The following SLC4A8 variants were observed in gnomAD, a reference collection of about 807,000 sequenced individuals.
SLC4A8 encodes the protein electroneutral sodium bicarbonate exchanger 1.
Under a neutral mutation model 125.0 loss-of-function variants are expected in SLC4A8, and 40 were observed. The ratio of observed to expected loss-of-function variants is 0.32; its 90% CI spans 0.25 to 0.42. SLC4A8 has a LOEUF of 0.42. Among genes scored for constraint, SLC4A8 ranks in the 10% least tolerant of loss-of-function variants. SLC4A8 has a pLI of 1.00. For synonymous variants in SLC4A8, 456 were observed against 476.0 expected (o/e 0.96, Z 0.55); for missense variants, 863 against 1,355.1 (o/e 0.64, Z 5.70).
chr12:51,494,753 A>G, intron 20 of SLC4A8, 192 bp from the exon 21 acceptor site: 1 of 471,100 alleles, frequency 2.1e-6, no homozygotes, highest in Non-Finnish European at 3.8e-6. Flanking sequence ...GATGGATTCA[A>G]ATTTTGACTT....
chr12:51,495,064 C>G lies in SLC4A8; in HGVS notation c.2889C>G (p.Leu963=), dbSNP rs141954048. The change falls in exon 21 of 25, where the codon CTC becomes CTG. Residue 963 remains leucine, a synonymous_variant. Transcript: ENST00000453097. The stretch of plus-strand genomic sequence containing the variant: ...TCACCCTCATCCAGTTGACCTGTCT[C>G]GTCCTGCTCTGGGTCATCAAGGCAT... ...HLFTLIQLTC[L]VLLWVIKASP... is the part of the protein sequence containing the mutation. The G allele has an allele frequency of 9.5e-5, 154 of 1,614,106 alleles. 1 individual carries two copies. In the South Asian group the frequency reaches 1.5e-3, roughly 16 times the overall value.
intron 16 of SLC4A8, among the ~76,000 whole-genome samples, chr12:51,483,889 T>G: frequency 6.6e-6 from 1 of 151,982 alleles, no homozygotes. Context: ...CCCTCCCTGC[T>G]CCCCCCACCC....
chr12:51,441,006 A>G (rs2138128786), intron 2 of SLC4A8: 1 of 1,110,500 alleles, frequency 9.0e-7, no homozygotes, highest in Non-Finnish European at 1.2e-6. Context: ...AATTGCCTAC[A>G]TGGGAGATAG....
chr12:51,393,149 C>T (rs1415172671), intron 1 of SLC4A8, among the ~76,000 whole-genome samples: 2 of 150,800 alleles, frequency 1.3e-5, no homozygotes, highest in African/African-American at 4.9e-5. Context: ...TTTTCTTGCT[C>T]TACTGCCCAG....
At position 51,408,495 on chromosome 12, in the gene SLC4A8, C is replaced by T. The variant is rs187392702; in HGVS notation, c.-112+17007C>T. 5.3e-5 allele frequency among the ~76,000 whole-genome samples: 8 copies of T among 152,230 alleles called. No individual in the cohort carries two copies. In the East Asian group the frequency reaches 1.5e-3, roughly 29 times the overall value. On this transcript the variant is annotated intron_variant, in intron 1 of 24. Coordinates refer to the SLC4A8 transcript ENST00000358657. ...CAGGTGATCCACCCACCTTGGCTTC[C>T]GAAAGTGCTGGGATTACAGACGTGA...
intron 22 of SLC4A8, chr12:51,497,573 C>A: frequency 6.5e-6 from 1 of 154,796 alleles, no homozygotes; most frequent in Non-Finnish European, 1.4e-5. Context: ...CAGCACTTGG[C>A]ATCTTGTCAT....
At chr12:51,409,899 GA>G (rs1295223441) in intron 1 of SLC4A8, among the ~76,000 whole-genome samples, 1 of 152,216 alleles carries the variant, frequency 6.6e-6, no homozygotes, top group East Asian at 1.9e-4. Flanking sequence ...TGAGTAAAGG[GA>G]TTTAAGAGGA....
intron 1 of SLC4A8, among the ~76,000 whole-genome samples, chr12:51,432,586 G>A (rs1949231055): frequency 6.6e-6 from 1 of 151,952 alleles, no homozygotes; most frequent in African/African-American, 2.4e-5. Flanking sequence ...AGCTGGGCGT[G>A]GTGGTGCGTG....
intron 11 of SLC4A8, among the ~76,000 whole-genome samples, chr12:51,464,398 T>G (rs933497666): frequency 2.0e-5 from 3 of 152,170 alleles, no homozygotes; most frequent in African/African-American, 7.2e-5. Flanking sequence ...TAGGTACTAT[T>G]TTAGGTGTGT....
intron 1 of SLC4A8, among the ~76,000 whole-genome samples, chr12:51,407,106 TC>T (rs1031504529): frequency 6.6e-6 from 1 of 152,162 alleles, no homozygotes; most frequent in African/African-American, 2.4e-5. Flanking sequence ...GCTCTCCTCT[TC>T]CAAGATGGTG....
At chr12:51,413,271 T>C (rs1948626257) in intron 1 of SLC4A8, among the ~76,000 whole-genome samples, 1 of 152,214 alleles carries the variant, frequency 6.6e-6, no homozygotes, top group Non-Finnish European at 1.5e-5. Flanking sequence ...GGATTATTTG[T>C]TTTATATTTT....
At chr12:51,435,599 C>T (rs967379768) in intron 1 of SLC4A8, among the ~76,000 whole-genome samples, 3 of 151,956 alleles carry the variant, frequency 2.0e-5, no homozygotes, top group Admixed American at 6.6e-5. Context: ...GCCCCAACTC[C>T]GCCACCTCTC....
At chr12:51,416,941 A>T (rs867025349) in intron 1 of SLC4A8, among the ~76,000 whole-genome samples, 1 of 152,068 alleles carries the variant, frequency 6.6e-6, no homozygotes, top group Non-Finnish European at 1.5e-5. Flanking sequence ...CCTGGGTAAC[A>T]TGGTGAAATC....
rs139047855 is a variant in SLC4A8 at position 51,512,960 on chromosome 12, G to A, written c.*5522G>A. On this transcript the variant is annotated 3_prime_UTR_variant, in exon 25 of 25. Coordinates refer to ENST00000453097, the MANE Select transcript of SLC4A8 (RefSeq NM_001039960.3). Reference sequence around the variant, plus strand: ...CACATTTGCTTGGGCCAGGGAAGTGGTGCACCTCTTTTATAACAATGGGAG... The same window carrying A: ...CACATTTGCTTGGGCCAGGGAAGTGATGCACCTCTTTTATAACAATGGGAG... 44 of 152,352 alleles carry A rather than the reference G, an allele frequency of 2.9e-4. 2 individuals are homozygous for A. The East Asian group carries it at 7.3e-3, about 25-fold the overall frequency. 9.4% of individuals were successfully genotyped at this position (152,352 alleles called of 1,614,324 possible).
At chr12:51,428,896 CTTTTAT>C (rs1302389579) in intron 1 of SLC4A8, among the ~76,000 whole-genome samples, 22 of 152,120 alleles carry the variant, frequency 1.4e-4, no homozygotes, top group Non-Finnish European at 2.4e-4. Context: ...TTAAGTAATT[CTTTTAT>C]TTTTATTTTT....
chr12:51,469,690 T>G lies in SLC4A8; in HGVS notation c.1426T>G (p.Leu476Val). Reference sequence around the variant, plus strand: ...GAGCGACTACCGAGATGCACTCAGCTTACAGTGTTTGGCTTCCTTTCTGTT... The same window carrying G: ...GAGCGACTACCGAGATGCACTCAGCGTACAGTGTTTGGCTTCCTTTCTGTT... ...YWSDYRDALS[L>V]QCLASFLFLY... is the part of the protein sequence containing the mutation. Residue 476 changes from leucine to valine, a missense_variant, in exon 12 of 25, where the codon TTA becomes GTA. This residue lies in a region of SLC4A8 where 390 missense variants were observed against 634.4 expected (regional missense o/e 0.61). Coordinates refer to ENST00000453097, the MANE Select transcript of SLC4A8 (RefSeq NM_001039960.3). 1 of 1,613,966 alleles carries G rather than the reference T, an allele frequency of 6.2e-7. No homozygotes were observed. The highest frequency in any genetic ancestry group is 8.5e-7 in the Non-Finnish European group (1 of 1,179,950).
At chr12:51,474,258 C>A in intron 14 of SLC4A8, 84 bp from the exon 15 acceptor site, 1 of 858,600 alleles carries the variant, frequency 1.2e-6, no homozygotes, top group Non-Finnish European at 1.8e-6. Flanking sequence ...CAGCTCCTGA[C>A]AGCCTTTAAA....
chr12:51,461,337 T>G (rs1190445519), intron 9 of SLC4A8, 46 bp downstream of exon 9: 1 of 1,089,386 alleles, frequency 9.2e-7, no homozygotes. Flanking sequence ...AAATATTTAT[T>G]GAATATTTAC....
At chr12:51,410,807 C>T (rs889739701) in intron 1 of SLC4A8, among the ~76,000 whole-genome samples, 6 of 151,834 alleles carry the variant, frequency 4.0e-5, no homozygotes, top group African/African-American at 1.5e-4. Flanking sequence ...TTCTTGTCCC[C>T]CTTCCCACAC....
Sources: gnomAD v4.1 joint callset for allele counts (sites outside exome capture counted in the v4.1 genomes callset) on GRCh38, gnomAD v4.1.1 for gene constraint, gnomAD v4.1.1 regional missense constraint, MANE v1.5 for transcripts, NCBI Gene and HGNC (gene_info 2026-07-23, HGNC 2026-07-21) for gene names.